Variants in JAK1 observed in about 807,000 individuals in gnomAD.
The protein encoded by JAK1 is tyrosine-protein kinase JAK1.
In JAK1, 16 loss-of-function variants were observed where a neutral mutation model predicts 136.6. The ratio of observed to expected loss-of-function variants is 0.12; its 90% CI spans 0.08 to 0.18. The LOEUF (loss-of-function observed/expected upper bound fraction) is 0.18, where lower values mean the gene tolerates loss of function less well. JAK1 is among the 10% of genes least tolerant of loss of function. The probability of loss-of-function intolerance (pLI) is 1.00; values close to 1 mark genes in which losing one functional copy is unlikely to be tolerated. For synonymous variants in JAK1, 492 were observed against 519.5 expected (o/e 0.95, Z 0.72); for missense variants, 859 against 1,450.1 (o/e 0.59, Z 6.62).
At chr1:64,949,704 C>G (rs1311329182) in intron 1 of JAK1, among the ~76,000 whole-genome samples, 1 of 152,142 alleles carries the variant, frequency 6.6e-6, no homozygotes, top group Non-Finnish European at 1.5e-5. Flanking sequence ...ATGTTTAAGG[C>G]CATTTGTGAC....
At chr1:64,970,559 A>C (rs6682237), upstream of JAK1, among the ~76,000 whole-genome samples, 37,057 of 151,980 alleles carry the variant, frequency 0.24, 6,301 homozygotes, top group African/African-American at 0.47. Flanking sequence ...AGTTCAAGAC[A>C]AGCCTGGCCA....
Position 64,844,298 on chromosome 1 carries a change from A to T in JAK1, c.2252-83T>A. 7.8e-6 allele frequency: 12 copies of T among 1,543,350 alleles called. No homozygotes were observed. Among genetic ancestry groups the T allele is most frequent in the Non-Finnish European group, 1.1e-5 (12 of 1,118,300 alleles). The stretch of plus-strand genomic sequence containing the variant: ...TACTGTCACTGCAGCCAGAACAGTG[A>T]GCCAATGAAGGAACTACTTCAAGCA... On this transcript the variant is annotated intron_variant, in intron 16 of 24. Coordinates refer to ENST00000342505, the MANE Select transcript of JAK1 (RefSeq NM_002227.4). This position sits in a 1 kb window ranked among gnomAD's most constrained non-coding sequence, Gnocchi z 5.7.
chr1:65,064,876 AC>A (rs1647971608), intron 1 of JAK1, among the ~76,000 whole-genome samples: 2 of 152,204 alleles, frequency 1.3e-5, no homozygotes, highest in Admixed American at 6.5e-5. Flanking sequence ...TTGTTGACGT[AC>A]AAAAACTTAT....
At chr1:64,960,079 T>C (rs1308578134) in intron 1 of JAK1, among the ~76,000 whole-genome samples, 2 of 152,048 alleles carry the variant, frequency 1.3e-5, no homozygotes, top group Non-Finnish European at 1.5e-5. Context: ...ATTTAAAAAT[T>C]AGCTGGGTAT....
intron 3 of JAK1, among the ~76,000 whole-genome samples, chr1:64,881,817 G>A (rs1247467190): frequency 6.6e-6 from 1 of 152,096 alleles, no homozygotes; most frequent in Non-Finnish European, 1.5e-5. Context: ...CAATGACTCT[G>A]CAACAATGAC....
At chr1:64,874,356 G>A (rs1657262725) in intron 4 of JAK1, among the ~76,000 whole-genome samples, 1 of 151,760 alleles carries the variant, frequency 6.6e-6, no homozygotes, top group African/African-American at 2.4e-5. Context: ...GACGAACTGT[G>A]TAGCACAGAA....
At chr1:64,948,920 A>G (rs1438547410) in intron 1 of JAK1, among the ~76,000 whole-genome samples, 2 of 152,280 alleles carry the variant, frequency 1.3e-5, no homozygotes, top group South Asian at 2.1e-4. Flanking sequence ...TGCAGTCTCT[A>G]AGGCTGTATA....
At chr1:64,914,168 T>A (rs534353080) in intron 1 of JAK1, among the ~76,000 whole-genome samples, 24 of 152,178 alleles carry the variant, frequency 1.6e-4, no homozygotes, top group Non-Finnish European at 2.4e-4. Flanking sequence ...TGGAAGCAAC[T>A]GCAATGGTCC....
upstream of JAK1, among the ~76,000 whole-genome samples, chr1:64,969,123 A>G (rs1018278796): frequency 2.0e-5 from 3 of 151,828 alleles, no homozygotes; most frequent in African/African-American, 7.3e-5. Context: ...AAAAAAAAAA[A>G]TAAGTATATG....
intron 1 of JAK1, among the ~76,000 whole-genome samples, chr1:64,953,279 C>T (rs1005339856): frequency 1.3e-5 from 2 of 149,906 alleles, no homozygotes; most frequent in Non-Finnish European, 3.0e-5. Flanking sequence ...GGTTCTACCT[C>T]ATTTAAGCTT....
chr1:65,042,136 C>A (rs956401971), intron 2 of JAK1, among the ~76,000 whole-genome samples: 2 of 151,932 alleles, frequency 1.3e-5, no homozygotes, highest in Admixed American at 6.6e-5. Flanking sequence ...TAAAAAATAA[C>A]GAATTTTAAA....
chr1:64,948,714 A>C (rs908408090), intron 1 of JAK1, among the ~76,000 whole-genome samples: 1 of 152,190 alleles, frequency 6.6e-6, no homozygotes, highest in African/African-American at 2.4e-5. Context: ...TTTTTGTGGA[A>C]GGCTTTTCAA....
chr1:65,041,745 C>T (rs1647135869), intron 2 of JAK1, among the ~76,000 whole-genome samples: 1 of 152,102 alleles, frequency 6.6e-6, no homozygotes, highest in East Asian at 1.9e-4. Flanking sequence ...AGCCATGGAT[C>T]AAAAATATCT....
Position 64,972,071 on chromosome 1 carries a change from T to C in JAK1, c.-78+72409A>G, listed in dbSNP as rs560461676. Among the ~76,000 whole-genome samples the C allele has an allele frequency of 7.2e-5, 11 of 152,318 alleles. 1 individual carries two copies. In the South Asian group the frequency reaches 2.3e-3, roughly 32 times the overall value. ...GTGACAGATACAATATTGCTATCTT[T>C]ATTAAAGATCTCATTATTACAAATT... On this transcript the variant is annotated intron_variant, in intron 2 of 25. Coordinates refer to the JAK1 transcript ENST00000671954.
chr1:64,919,449 C>T (rs537198663), intron 1 of JAK1, among the ~76,000 whole-genome samples: 1 of 152,284 alleles, frequency 6.6e-6, no homozygotes, highest in African/African-American at 2.4e-5. Flanking sequence ...CAAGTCTTTG[C>T]TATTGTGAAT....
chr1:64,947,756 C>T (rs1324545865), intron 1 of JAK1, among the ~76,000 whole-genome samples: 1 of 151,938 alleles, frequency 6.6e-6, no homozygotes, highest in Non-Finnish European at 1.5e-5. Flanking sequence ...TATCATATAG[C>T]TCTACTAAAA....
In JAK1 at chr1:64,838,552, A is replaced by G; in HGVS notation, c.2880T>C (p.Pro960=). Residue 960 remains proline (P), a synonymous_variant, in exon 21 of 25, where the codon CCT becomes CCC. Coordinates refer to ENST00000342505, the MANE Select transcript of JAK1 (RefSeq NM_002227.4). ...NGIKLIMEFL[P]SGSLKEYLPK... Reference sequence around the variant, plus strand: ...GAAGATATTCCTTAAGGCTTCCCGAAGGCAGAAATTCCATGATGAGCTTAA... The same window carrying G: ...GAAGATATTCCTTAAGGCTTCCCGAGGGCAGAAATTCCATGATGAGCTTAA... 1 of 1,614,050 alleles carries G rather than the reference A, an allele frequency of 6.2e-7. No homozygotes were observed. Among genetic ancestry groups the G allele is most frequent in the Non-Finnish European group, 8.5e-7 (1 of 1,179,948 alleles).
intron 2 of JAK1, among the ~76,000 whole-genome samples, chr1:65,015,942 A>G (rs1353521498): frequency 1.3e-5 from 2 of 152,230 alleles, no homozygotes; most frequent in African/African-American, 4.8e-5. Context: ...AAAGGTGGAA[A>G]CAACCCATGT....
At chr1:64,949,974 T>TA (rs1173322295) in intron 1 of JAK1, among the ~76,000 whole-genome samples, 1 of 152,076 alleles carries the variant, frequency 6.6e-6, no homozygotes, top group Non-Finnish European at 1.5e-5. Flanking sequence ...AAGACTCTAT[T>TA]AAAATAGAAT....
Sources: gnomAD v4.1 joint callset for allele counts (sites outside exome capture counted in the v4.1 genomes callset) on GRCh38, gnomAD v4.1.1 for gene constraint, Gnocchi (gnomAD v3.1) non-coding constraint, MANE v1.5 for transcripts, NCBI Gene and HGNC (gene_info 2026-07-23, HGNC 2026-07-21) for gene names.